Variants in MYRIP observed in about 807,000 individuals in gnomAD.
The protein encoded by MYRIP is rab effector MyRIP.
In MYRIP, 49 loss-of-function variants were observed where a neutral mutation model predicts 98.0. The observed-to-expected ratio is 0.50, with a 90% CI of 0.40 to 0.63. The LOEUF (loss-of-function observed/expected upper bound fraction) is 0.63, where lower values mean the gene tolerates loss of function less well. MYRIP is among the 30% of genes least tolerant of loss of function. The pLI is 0.00. For synonymous variants in MYRIP, 404 were observed against 409.5 expected (o/e 0.99, Z 0.16); for missense variants, 1,004 against 1,058.2 (o/e 0.95, Z 0.71).
chr3:39,878,890 AC>A (rs138296513), intron 1 of MYRIP, among the ~76,000 whole-genome samples: 20,718 of 126,992 alleles, frequency 0.16, 1,460 homozygotes, highest in Middle Eastern at 0.22. Flanking sequence ...CCTCGTCTCT[AC>A]TAAAAATACA....
upstream of MYRIP, chr3:39,808,958 T>G (rs1053833453): frequency 2.6e-5 from 4 of 152,252 alleles, no homozygotes; most frequent in African/African-American, 4.8e-5. Flanking sequence ...TGGGGGCGCA[T>G]TAGCCTGGAC....
At chr3:40,217,414 T>G (rs1005460281) in intron 11 of MYRIP, among the ~76,000 whole-genome samples, 4 of 152,186 alleles carry the variant, frequency 2.6e-5, no homozygotes, top group African/African-American at 9.7e-5. Flanking sequence ...AATGTAATAA[T>G]ATTAATTTTA....
chr3:39,832,191 G>T (rs904930480), intron 1 of MYRIP, among the ~76,000 whole-genome samples: 1 of 152,154 alleles, frequency 6.6e-6, no homozygotes, highest in Non-Finnish European at 1.5e-5. Context: ...GAATAGGGAG[G>T]AATCTTGGGT....
chr3:39,987,776 T>C (rs557028945), intron 2 of MYRIP, among the ~76,000 whole-genome samples: 8 of 152,348 alleles, frequency 5.3e-5, no homozygotes, highest in Non-Finnish European at 8.8e-5. Flanking sequence ...TTATGAAGCT[T>C]AGTTTTTCTG....
At chr3:40,005,310 T>C (rs2125789717) in intron 2 of MYRIP, among the ~76,000 whole-genome samples, 1 of 152,374 alleles carries the variant, frequency 6.6e-6, no homozygotes, top group Admixed American at 6.5e-5. Context: ...TAACTCATAG[T>C]ACCTGGCAGA....
chr3:40,146,733 G>A (rs1950019767), intron 3 of MYRIP, among the ~76,000 whole-genome samples: 1 of 151,994 alleles, frequency 6.6e-6, no homozygotes, highest in South Asian at 2.1e-4. Context: ...ACACATGCAT[G>A]CACACACATA....
chr3:39,941,192 C>A (rs1343452264), intron 2 of MYRIP, among the ~76,000 whole-genome samples: 2 of 152,142 alleles, frequency 1.3e-5, no homozygotes, highest in South Asian at 2.1e-4. Flanking sequence ...GTTCTTCAGG[C>A]TGTACAAGCA....
At chr3:39,984,245 CT>C (rs906431363) in intron 2 of MYRIP, among the ~76,000 whole-genome samples, 271 of 118,878 alleles carry the variant, frequency 2.3e-3, no homozygotes, top group African/African-American at 8.6e-3. Context: ...TATTGTTATA[CT>C]TTAAGTTTTA....
intron 3 of MYRIP, among the ~76,000 whole-genome samples, chr3:40,141,369 G>C (rs1346266869): frequency 6.6e-6 from 1 of 152,096 alleles, no homozygotes; most frequent in Non-Finnish European, 1.5e-5. Context: ...CCGATTAATA[G>C]TCTGCCAATA....
In MYRIP at chr3:39,854,402, C is replaced by T. The variant is rs566215247; in HGVS notation, c.-31+44486C>T. On this transcript the variant is annotated intron_variant, in intron 1 of 16. Coordinates refer to ENST00000302541, the MANE Select transcript of MYRIP (RefSeq NM_015460.4). ...AATTAAAAACCTTTGTCTTCAGGCT[C>T]TAAAGTTCTCTTTTCTTGTTCTAGT... 2.6e-5 allele frequency among the ~76,000 whole-genome samples: 4 copies of T among 152,144 alleles called. No homozygotes were observed. The South Asian group carries it at 8.3e-4, about 32-fold the overall frequency.
At chr3:40,198,057 C>G (rs1951447822) in intron 10 of MYRIP, among the ~76,000 whole-genome samples, 1 of 152,212 alleles carries the variant, frequency 6.6e-6, no homozygotes, top group South Asian at 2.1e-4. Flanking sequence ...GACACCATCA[C>G]ACACTTTGCA....
intron 1 of MYRIP, among the ~76,000 whole-genome samples, chr3:39,880,458 A>G (rs1055411976): frequency 1.3e-5 from 2 of 152,226 alleles, no homozygotes; most frequent in African/African-American, 4.8e-5. Context: ...GCATTCTCAA[A>G]TTTATTCAGC....
At position 40,212,293 on chromosome 3, in the gene MYRIP, C is replaced by CTA. The variant is rs200481232; in HGVS notation, c.1905+2210_1905+2211dup. 4.2e-3 allele frequency among the ~76,000 whole-genome samples: 586 copies of CTA among 139,500 alleles called. 9 individuals are homozygous for CTA. The highest frequency in any genetic ancestry group is 0.014 in the African/African-American group (545 of 39,084). 91.5% of individuals were successfully genotyped at this position (139,500 alleles called of 152,430 possible). A position where few individuals can be genotyped will look rare whatever the true frequency, so the allele number is the denominator to read the frequency against. ...ATATAGAGAGAGAGCGCCATATAGA[C>CTA]TATATATATATGTTGGAGGGTTCAG... On this transcript the variant is annotated intron_variant, in intron 11 of 16. Transcript: ENST00000302541.
In MYRIP at chr3:40,190,386, G is replaced by T; in HGVS notation, c.1588G>T (p.Ala530Ser). 1 of 1,613,848 alleles carries T rather than the reference G, an allele frequency of 6.2e-7. No individual in the cohort carries two copies. The highest frequency in any genetic ancestry group is 8.5e-7 in the Non-Finnish European group (1 of 1,179,926). Residue 530 changes from alanine (A) to serine (S), a missense_variant, in exon 10 of 17, where the codon GCC (alanine) becomes TCC (serine). Coordinates refer to ENST00000302541, the MANE Select transcript of MYRIP (RefSeq NM_015460.4). Reference protein sequence around the residue: ...TDRRARRWRRARLGSEEPSKE... With the variant: ...TDRRARRWRRSRLGSEEPSKE... ...CCGGCGGGCCAGGAGGTGGAGAAGA[G>T]CCCGACTGGGCTCAGAAGAGCCAAG...
intron 1 of MYRIP, among the ~76,000 whole-genome samples, chr3:39,854,615 C>T (rs9871831): frequency 0.49 from 74,177 of 151,992 alleles, 19,570 homozygotes; most frequent in African/African-American, 0.7. Context: ...AGCTTAATAA[C>T]CAACCTTCTG....
intron 2 of MYRIP, among the ~76,000 whole-genome samples, chr3:40,006,390 A>G (rs1277562604): frequency 6.7e-6 from 1 of 149,578 alleles, no homozygotes; most frequent in Non-Finnish European, 1.5e-5. Context: ...CTCTGTCTCA[A>G]AAAAAAAGGA....
chr3:40,057,523 A>G (rs1435434258), intron 3 of MYRIP, among the ~76,000 whole-genome samples: 1 of 152,208 alleles, frequency 6.6e-6, no homozygotes, highest in Non-Finnish European at 1.5e-5. Flanking sequence ...CTGTAAGAAC[A>G]GGCACCATAT....
intron 2 of MYRIP, among the ~76,000 whole-genome samples, chr3:39,974,738 G>C (rs1356487792): frequency 6.6e-6 from 1 of 152,162 alleles, no homozygotes; most frequent in Non-Finnish European, 1.5e-5. Flanking sequence ...TGCAAGGCTG[G>C]TTCAACATAT....
chr3:39,877,067 C>T (rs1196508679), intron 1 of MYRIP, among the ~76,000 whole-genome samples: 2 of 152,132 alleles, frequency 1.3e-5, no homozygotes, highest in East Asian at 3.8e-4. Flanking sequence ...CTCTAAACTT[C>T]CCTTCTCGCT....
Sources: gnomAD v4.1 joint callset for allele counts (sites outside exome capture counted in the v4.1 genomes callset) on GRCh38, gnomAD v4.1.1 for gene constraint, MANE v1.5 for transcripts, NCBI Gene and HGNC (gene_info 2026-07-23, HGNC 2026-07-21) for gene names.